DLGAP2: variants seen among roughly 807,000 people sequenced by gnomAD.
DLGAP2 encodes disks large-associated protein 2.
In DLGAP2, 26 loss-of-function variants were observed where a neutral mutation model predicts 100.3. The observed-to-expected ratio is 0.26, with a 90% CI of 0.19 to 0.36. The LOEUF (loss-of-function observed/expected upper bound fraction) is 0.36. Among genes scored for constraint, DLGAP2 ranks in the 10% least tolerant of loss-of-function variants. The probability of loss-of-function intolerance (pLI) is 1.00; values close to 1 mark genes in which losing one functional copy is unlikely to be tolerated. For missense variants in DLGAP2, 1,858 were observed against 1,453.2 expected (o/e 1.28, Z -4.53); for synonymous variants, 886 against 630.1 (o/e 1.41, Z -6.08).
intron 4 of DLGAP2, among the ~76,000 whole-genome samples, chr8:1,540,276 G>C (rs1186177359): frequency 6.6e-6 from 1 of 152,184 alleles, no homozygotes; most frequent in Admixed American, 6.5e-5. Context: ...GTTTGTCACT[G>C]TCTGACGTTT....
rs953211934 is a variant in DLGAP2, at chr8:762,566, T to C, written c.18+24741T>C. The stretch of plus-strand genomic sequence containing the variant: ...GACTCCCAGGGGTCACCCCCTGCTT[T>C]GCAGAGCTCTTCTGCTTGCCACCTG... On this transcript the variant is annotated intron_variant, in intron 1 of 14. Coordinates refer to ENST00000637795, the MANE Select transcript of DLGAP2 (RefSeq NM_001346810.2). 4.6e-5 allele frequency among the ~76,000 whole-genome samples: 7 copies of C among 152,112 alleles called. 1 individual carries two copies. Among genetic ancestry groups the C allele is most frequent in the African/African-American group, 1.7e-4 (7 of 41,398 alleles).
At chr8:1,476,751 C>A (rs1798941787) in intron 3 of DLGAP2, among the ~76,000 whole-genome samples, 1 of 151,042 alleles carries the variant, frequency 6.6e-6, no homozygotes, top group African/African-American at 2.4e-5. Context: ...GCAGACCCAC[C>A]CTTGATGGCC....
At chr8:986,531 A>G (rs1441332992) in intron 2 of DLGAP2, among the ~76,000 whole-genome samples, 1 of 152,134 alleles carries the variant, frequency 6.6e-6, no homozygotes, top group Non-Finnish European at 1.5e-5. Context: ...CAGCTAAAAC[A>G]AAGTTTCTTC....
In DLGAP2 at chr8:1,282,549, A is replaced by G. The variant is rs1383492859; in HGVS notation, c.106+23666A>G. Reference sequence around the variant, plus strand: ...ACCCAGCACCCTGAACCATCCGGACATGGTGTGACCTGAACCCAGCACATG... The same window carrying G: ...ACCCAGCACCCTGAACCATCCGGACGTGGTGTGACCTGAACCCAGCACATG... On this transcript the variant is annotated intron_variant, in intron 3 of 14. Coordinates refer to ENST00000637795, the MANE Select transcript of DLGAP2 (RefSeq NM_001346810.2). 9.9e-4 allele frequency among the ~76,000 whole-genome samples: 91 copies of G among 91,836 alleles called. 5 individuals carry two copies. The highest frequency in any genetic ancestry group is 3.5e-3 in the African/African-American group (74 of 21,292). 60.2% of individuals were successfully genotyped at this position (91,836 alleles called of 152,430 possible). A position where few individuals can be genotyped will look rare whatever the true frequency, so the allele number is the denominator to read the frequency against.
At chr8:1,352,639 G>T (rs1226876644) in intron 3 of DLGAP2, among the ~76,000 whole-genome samples, 1 of 152,148 alleles carries the variant, frequency 6.6e-6, no homozygotes, top group East Asian at 1.9e-4. Context: ...TAAGCTTTGA[G>T]GTAAAGACTC....
At chr8:1,551,193 G>T (rs1341136240) in intron 5 of DLGAP2, among the ~76,000 whole-genome samples, 1 of 152,242 alleles carries the variant, frequency 6.6e-6, no homozygotes, top group Non-Finnish European at 1.5e-5. Flanking sequence ...AATGGAAGAG[G>T]CATAAATTTT....
chr8:1,031,184 C>T (rs1035343791), intron 2 of DLGAP2, among the ~76,000 whole-genome samples: 1 of 151,942 alleles, frequency 6.6e-6, no homozygotes, highest in Non-Finnish European at 1.5e-5. Context: ...TCACCCAATA[C>T]GTACACACTC....
rs371669937 is a variant in DLGAP2, at chr8:1,337,399, GTGATGA to G, written c.106+78519_106+78524del. ...GATGATGGTGATGGTGAGGATGATGGTGATGATGGTGATGGTGAGGATGATGGTGAT... is the reference window on the plus strand; with the variant it reads ...GATGATGGTGATGGTGAGGATGATGGTGGTGATGGTGAGGATGATGGTGAT... On this transcript the variant is annotated intron_variant, in intron 3 of 14. Coordinates refer to ENST00000637795, the MANE Select transcript of DLGAP2 (RefSeq NM_001346810.2). Among the ~76,000 whole-genome samples the G allele has an allele frequency of 1.9e-3, 3 of 1,552 alleles. No homozygotes were observed. The African/African-American group carries it at 0.023, about 12-fold the overall frequency. 1.0% of individuals were successfully genotyped at this position (1,552 alleles called of 152,430 possible). A position where few individuals can be genotyped will look rare whatever the true frequency, so the allele number is the denominator to read the frequency against.
intron 3 of DLGAP2, among the ~76,000 whole-genome samples, chr8:1,355,609 T>C (rs1253415311): frequency 6.6e-6 from 1 of 152,150 alleles, no homozygotes; most frequent in Non-Finnish European, 1.5e-5. Flanking sequence ...ATGATCCACC[T>C]GTCTCGGCCT....
intron 13 of DLGAP2, among the ~76,000 whole-genome samples, chr8:1,693,607 A>T (rs1799308212): frequency 6.6e-6 from 1 of 152,198 alleles, no homozygotes; most frequent in African/African-American, 2.4e-5. Flanking sequence ...GCAAGGAGAC[A>T]TAAGAATATT....
intron 3 of DLGAP2, among the ~76,000 whole-genome samples, chr8:1,500,287 C>T (rs1029274523): frequency 4.6e-5 from 7 of 152,256 alleles, no homozygotes; most frequent in Admixed American, 2.6e-4. Context: ...CGGGCAGAGC[C>T]TCCCTGAGAT....
intron 3 of DLGAP2, among the ~76,000 whole-genome samples, chr8:1,477,207 G>C (rs1798959748): frequency 6.6e-6 from 1 of 152,154 alleles, no homozygotes; most frequent in Non-Finnish European, 1.5e-5. Context: ...CACCTGTCCA[G>C]GATGAGAGAT....
intron 2 of DLGAP2, among the ~76,000 whole-genome samples, chr8:910,127 G>C (rs1324849076): frequency 2.0e-5 from 3 of 152,248 alleles, no homozygotes; most frequent in Admixed American, 1.3e-4. Flanking sequence ...TGAGAATGTA[G>C]CGAATGCTCC....
chr8:960,802 G>A (rs1338235908), intron 2 of DLGAP2, among the ~76,000 whole-genome samples: 15 of 152,262 alleles, frequency 9.9e-5, no homozygotes, highest in Admixed American at 2.0e-4. Flanking sequence ...TAAGCCCATG[G>A]TAAAGTTGAA....
At chr8:1,179,505 A>G (rs896402652) in intron 2 of DLGAP2, among the ~76,000 whole-genome samples, 33 of 152,384 alleles carry the variant, frequency 2.2e-4, no homozygotes, top group African/African-American at 7.7e-4. Context: ...CCCCACAGGC[A>G]CCTGGCTGCT....
intron 3 of DLGAP2, among the ~76,000 whole-genome samples, chr8:1,298,790 G>A (rs969689125): frequency 1.4e-4 from 21 of 152,322 alleles, no homozygotes; most frequent in South Asian, 6.2e-4. Context: ...TGCAAAGATC[G>A]TCTTGAGAGG....
chr8:1,601,140 G>C (rs961422580), intron 6 of DLGAP2, among the ~76,000 whole-genome samples: 2 of 152,162 alleles, frequency 1.3e-5, no homozygotes, highest in Non-Finnish European at 1.5e-5. Flanking sequence ...CTCTTCTCAG[G>C]TCTGCTGGAG....
intron 1 of DLGAP2, among the ~76,000 whole-genome samples, chr8:796,801 T>A (rs1014721037): frequency 1.3e-5 from 2 of 152,180 alleles, no homozygotes; most frequent in Non-Finnish European, 2.9e-5. Flanking sequence ...ACATCTCCAC[T>A]GGCACCATGA....
At chr8:1,256,874 G>T (rs140639244) in intron 2 of DLGAP2, among the ~76,000 whole-genome samples, 1 of 152,100 alleles carries the variant, frequency 6.6e-6, no homozygotes, top group Non-Finnish European at 1.5e-5. Flanking sequence ...CAGGAGCCCC[G>T]CCTCCCTCCA....
Sources: allele counts gnomAD v4.1 joint callset (sites outside exome capture counted in the v4.1 genomes callset), GRCh38; gene constraint gnomAD v4.1.1; transcripts MANE v1.5; gene names NCBI Gene and HGNC (gene_info 2026-07-23, HGNC 2026-07-21).